FSIP1: variants seen among roughly 807,000 people sequenced by gnomAD.
FSIP1 encodes fibrous sheath-interacting protein 1.
In FSIP1, 65 loss-of-function variants were observed where a neutral mutation model predicts 60.9. The observed-to-expected ratio is 1.07, with a 90% confidence interval of 0.87 to 1.31. FSIP1 has a LOEUF of 1.31. Among genes scored for constraint, FSIP1 ranks in the 40% most tolerant of loss-of-function variants. The pLI, the probability that FSIP1 is intolerant of heterozygous loss-of-function variation, is 0.00. For missense variants in FSIP1, 675 were observed against 665.5 expected (o/e 1.01, Z -0.16); for synonymous variants, 209 against 221.2 (o/e 0.94, Z 0.49).
At chr15:39,748,456 C>T (rs1897066217) in intron 5 of FSIP1, among the ~76,000 whole-genome samples, 1 of 152,124 alleles carries the variant, frequency 6.6e-6, no homozygotes, top group Non-Finnish European at 1.5e-5. Context: ...ACAGGCAAAA[C>T]AATTCTCCGT....
chr15:39,683,274 G>A (rs1399964045), intron 10 of FSIP1, among the ~76,000 whole-genome samples: 1 of 151,982 alleles, frequency 6.6e-6, no homozygotes, highest in African/African-American at 2.4e-5. Context: ...TGCAAGACTG[G>A]ATGAGTACTC....
At chr15:39,684,388 G>T (rs1238530069) in intron 10 of FSIP1, among the ~76,000 whole-genome samples, 2 of 152,276 alleles carry the variant, frequency 1.3e-5, no homozygotes, top group East Asian at 3.9e-4. Context: ...TGTGATTCCT[G>T]CCTGTCTCAT....
chr15:39,775,502 G>A (rs1898024314), intron 2 of FSIP1, among the ~76,000 whole-genome samples: 1 of 151,876 alleles, frequency 6.6e-6, no homozygotes, highest in Admixed American at 6.6e-5. Context: ...GGAAAAAAAA[G>A]GGACTGCTGA....
At chr15:39,639,353 G>A (rs1454529315) in intron 10 of FSIP1, among the ~76,000 whole-genome samples, 1 of 151,958 alleles carries the variant, frequency 6.6e-6, no homozygotes, top group African/African-American at 2.4e-5. Context: ...GGCTCTTGTA[G>A]GTCTTCTTTG....
chr15:39,694,063 AT>A (rs1894715032), intron 10 of FSIP1, among the ~76,000 whole-genome samples: 2 of 152,338 alleles, frequency 1.3e-5, no homozygotes, highest in East Asian at 3.9e-4. Flanking sequence ...TTCAACTATT[AT>A]TTGTCAAATA....
chr15:39,676,172 CAAAAAAAA>C (rs11369072), intron 10 of FSIP1, among the ~76,000 whole-genome samples: 2 of 112,856 alleles, frequency 1.8e-5, no homozygotes. Flanking sequence ...GACTCCATCT[CAAAAAAAA>C]AAAAAAAAAT....
chr15:39,688,003 T>A (rs538220745), intron 10 of FSIP1, among the ~76,000 whole-genome samples: 1 of 152,260 alleles, frequency 6.6e-6, no homozygotes, highest in East Asian at 1.9e-4. Context: ...AAGAGAGGCA[T>A]ATTATTAGGC....
Position 39,600,041 on chromosome 15 carries a change from A to G in FSIP1, c.*839T>C, listed in dbSNP as rs1890582876. ...CCAGCAAAAACAATGTTATGTATAC[A>G]TCACTCAAATTTTATTAAAGGCAGC... On this transcript the variant is annotated 3_prime_UTR_variant, in exon 12 of 12. Coordinates refer to ENST00000350221, the MANE Select transcript of FSIP1 (RefSeq NM_152597.5). 1 of 152,238 alleles carries G rather than the reference A, an allele frequency of 6.6e-6. No homozygotes were observed. The allele number at this position is 152,238 out of a possible 1,614,324, so 9.4% of individuals were successfully genotyped here.
intron 10 of FSIP1, among the ~76,000 whole-genome samples, chr15:39,693,114 T>A (rs903440709): frequency 2.0e-5 from 3 of 152,264 alleles, no homozygotes; most frequent in Non-Finnish European, 4.4e-5. Flanking sequence ...AAATTTCTTT[T>A]ATCTCCTTTT....
chr15:39,779,122 T>C (rs1170033179), intron 1 of FSIP1, among the ~76,000 whole-genome samples: 1 of 152,118 alleles, frequency 6.6e-6, no homozygotes, highest in Non-Finnish European at 1.5e-5. Context: ...AAAAGGTTAA[T>C]ATATTCACAT....
chr15:39,615,613 T>C (rs1891197382), intron 11 of FSIP1, among the ~76,000 whole-genome samples: 1 of 151,164 alleles, frequency 6.6e-6, no homozygotes, highest in Non-Finnish European at 1.5e-5. Context: ...AGAGACTGGG[T>C]GTGGTGGCTC....
chr15:39,743,324 C>G (rs770333522), intron 5 of FSIP1, among the ~76,000 whole-genome samples: 4 of 152,074 alleles, frequency 2.6e-5, no homozygotes, highest in Non-Finnish European at 2.9e-5. Flanking sequence ...TTCATTGCCT[C>G]AGAGAGAGGT....
intron 10 of FSIP1, among the ~76,000 whole-genome samples, chr15:39,622,722 G>A (rs906068907): frequency 8.5e-5 from 13 of 152,244 alleles, no homozygotes; most frequent in African/African-American, 1.7e-4. Flanking sequence ...CTTCTAAACC[G>A]TGGACTTGAA....
intron 11 of FSIP1, among the ~76,000 whole-genome samples, chr15:39,607,332 G>T (rs1890862932): frequency 6.6e-6 from 1 of 152,200 alleles, no homozygotes; most frequent in Non-Finnish European, 1.5e-5. Flanking sequence ...AAGCCTGTCT[G>T]GCTGCCCACC....
At position 39,713,548 on chromosome 15, in the gene FSIP1, C is replaced by T; in HGVS notation, c.1084G>A (p.Val362Ile). 2 of 1,602,752 alleles carry T rather than the reference C, an allele frequency of 1.2e-6. No homozygotes were observed. Among genetic ancestry groups the T allele is most frequent in the Non-Finnish European group, 8.5e-7 (1 of 1,175,504 alleles). The change falls in exon 10 of 12, where the codon GTA (valine) becomes ATA (isoleucine). Residue 362 changes from valine to isoleucine, a missense_variant. Val to Ile is a conservative substitution (Grantham distance 29, BLOSUM62 3). Coordinates refer to ENST00000350221, the MANE Select transcript of FSIP1 (RefSeq NM_152597.5). ...PDRDGERNME[V>I]TPGEKILRNT... ...CTAAGTATCTTTTCTCCTGGAGTTA[C>T]TTCCATATTTCTTTCACCATCACGG...
At chr15:39,677,444 T>A (rs1893986976) in intron 10 of FSIP1, among the ~76,000 whole-genome samples, 1 of 152,162 alleles carries the variant, frequency 6.6e-6, no homozygotes, top group Admixed American at 6.5e-5. Flanking sequence ...AAGGGTGTGA[T>A]TCAATTCTGG....
chr15:39,622,454 G>A (rs972693077), intron 10 of FSIP1, among the ~76,000 whole-genome samples: 2 of 152,072 alleles, frequency 1.3e-5, no homozygotes, highest in Non-Finnish European at 2.9e-5. Flanking sequence ...TTTTTCATCA[G>A]GAAAAGAATA....
At position 39,661,248 on chromosome 15, in the gene FSIP1, T is replaced by G. The variant is rs1245094640; in HGVS notation, c.1189-43003A>C. ...TCTCCCATTTATTTTCTTAACAAAC[T>G]CTATTTCAATATATAGAACAGGGTT... On this transcript the variant is annotated intron_variant, in intron 10 of 11. Coordinates refer to ENST00000350221, the MANE Select transcript of FSIP1 (RefSeq NM_152597.5). Among the ~76,000 whole-genome samples, 7 of 152,170 alleles carry G rather than the reference T, an allele frequency of 4.6e-5. No individual in the cohort carries two copies. In the East Asian group the frequency reaches 1.2e-3, roughly 25 times the overall value.
At chr15:39,712,547 A>G (rs559049356) in intron 10 of FSIP1, among the ~76,000 whole-genome samples, 23 of 152,348 alleles carry the variant, frequency 1.5e-4, no homozygotes, top group African/African-American at 5.3e-4. Flanking sequence ...AAACTCAAAG[A>G]AGCTTGAAGA....
Sources: gnomAD v4.1 joint callset for allele counts (sites outside exome capture counted in the v4.1 genomes callset) on GRCh38, gnomAD v4.1.1 for gene constraint, MANE v1.5 for transcripts, NCBI Gene and HGNC (gene_info 2026-07-23, HGNC 2026-07-21) for gene names.